The following CPQ variants were observed in gnomAD, a reference collection of about 807,000 sequenced individuals.
CPQ encodes carboxypeptidase Q.
A neutral mutation model predicts 45.7 loss-of-function variants in CPQ; 37 were observed. The ratio of observed to expected loss-of-function variants is 0.81; its 90% CI spans 0.62 to 1.07. The LOEUF is 1.07. CPQ is among the 50% of genes least tolerant of loss of function. The pLI is 0.00. For missense variants in CPQ, 537 were observed against 572.9 expected, an observed-to-expected ratio of 0.94 and a Z score of 0.64; for synonymous variants, 186 against 205.8, an observed-to-expected ratio of 0.90 and a Z score of 0.82.
chr8:96,853,362 C>A (rs1811798930), intron 3 of CPQ, among the ~76,000 whole-genome samples: 1 of 152,180 alleles, frequency 6.6e-6, no homozygotes, highest in Admixed American at 6.5e-5. Context: ...AAAGCTCAAC[C>A]TTTATAGACA....
intron 1 of CPQ, among the ~76,000 whole-genome samples, chr8:96,781,391 G>A (rs1219927783): frequency 6.6e-6 from 1 of 152,062 alleles, no homozygotes; most frequent in Non-Finnish European, 1.5e-5. Context: ...ATAGTGGAAG[G>A]GCAAGAGAGG....
chr8:97,093,341 T>C (rs1037643899), intron 7 of CPQ, among the ~76,000 whole-genome samples: 16 of 152,198 alleles, frequency 1.1e-4, no homozygotes, highest in African/African-American at 3.9e-4. Flanking sequence ...ACATAAATTG[T>C]TCTACCATAA....
chr8:96,645,946 G>A (rs1815515309), intron 1 of CPQ, among the ~76,000 whole-genome samples: 1 of 150,812 alleles, frequency 6.6e-6, no homozygotes. Context: ...AGGACTCAGA[G>A]CTACTCAATA....
chr8:96,720,796 T>C (rs1479801777), intron 1 of CPQ, among the ~76,000 whole-genome samples: 1 of 152,146 alleles, frequency 6.6e-6, no homozygotes, highest in African/African-American at 2.4e-5. Context: ...CATTGTAATA[T>C]CTAAGATTCT....
chr8:97,091,284 C>A lies in CPQ; in HGVS notation c.1255+25074C>A, dbSNP rs72664569. On this transcript the variant is annotated intron_variant, in intron 7 of 7. Transcript: ENST00000220763. Reference sequence around the variant, plus strand: ...TTATATTTCTCAGAAGAGGGGATGTCTGATATTTTGTGGTTTGCCAGTGAC... The same window carrying A: ...TTATATTTCTCAGAAGAGGGGATGTATGATATTTTGTGGTTTGCCAGTGAC... Among the ~76,000 whole-genome samples the A allele has an allele frequency of 8.3e-4, 126 of 152,254 alleles. 1 individual carries two copies. Among genetic ancestry groups the A allele is most frequent in the Non-Finnish European group, 1.6e-3 (111 of 68,024 alleles).
chr8:96,821,955 A>G (rs1464199781), intron 2 of CPQ, among the ~76,000 whole-genome samples: 2 of 152,032 alleles, frequency 1.3e-5, no homozygotes, highest in Non-Finnish European at 2.9e-5. Flanking sequence ...ATTTTCAAGT[A>G]TACAATCTAT....
At chr8:96,802,262 G>C (rs1306953624) in intron 2 of CPQ, among the ~76,000 whole-genome samples, 4 of 152,102 alleles carry the variant, frequency 2.6e-5, no homozygotes, top group African/African-American at 7.2e-5. Flanking sequence ...ATTAATTAGA[G>C]CTTCTATCTT....
intron 2 of CPQ, among the ~76,000 whole-genome samples, chr8:96,791,576 C>T (rs1048923022): frequency 1.3e-5 from 2 of 152,170 alleles, no homozygotes; most frequent in Admixed American, 6.6e-5. Flanking sequence ...CTCACTTTCA[C>T]CCCACTCCTC....
chr8:96,879,151 G>A (rs1296162583), intron 3 of CPQ, among the ~76,000 whole-genome samples: 1 of 152,198 alleles, frequency 6.6e-6, no homozygotes, highest in Non-Finnish European at 1.5e-5. Flanking sequence ...CTGACCAGTT[G>A]GGATGGTATT....
At chr8:96,677,584 G>A (rs900396887) in intron 1 of CPQ, among the ~76,000 whole-genome samples, 2 of 152,012 alleles carry the variant, frequency 1.3e-5, no homozygotes, top group Admixed American at 6.6e-5. Flanking sequence ...TTTGTCAGAT[G>A]CATAGTTTGT....
chr8:97,137,108 T>C (rs1176526680), intron 7 of CPQ, among the ~76,000 whole-genome samples: 2 of 152,198 alleles, frequency 1.3e-5, no homozygotes, highest in African/African-American at 4.8e-5. Flanking sequence ...GTTGTTTTAG[T>C]TTTGTAGAAT....
At chr8:96,966,351 A>C (rs1813562815) in intron 5 of CPQ, among the ~76,000 whole-genome samples, 1 of 152,246 alleles carries the variant, frequency 6.6e-6, no homozygotes, top group South Asian at 2.1e-4. Flanking sequence ...AATGCAAAGA[A>C]AAATCAGCAG....
chr8:96,667,392 G>A (rs1229695182), intron 1 of CPQ, among the ~76,000 whole-genome samples: 7 of 141,264 alleles, frequency 5.0e-5, no homozygotes, highest in South Asian at 4.4e-4. Flanking sequence ...ACTGTCACCT[G>A]GGCTGAAGTG....
intron 7 of CPQ, among the ~76,000 whole-genome samples, chr8:97,068,297 T>C (rs1389875222): frequency 1.3e-5 from 2 of 152,184 alleles, no homozygotes; most frequent in Non-Finnish European, 2.9e-5. Context: ...TTCTACCTAA[T>C]AGAATGGAGT....
At chr8:96,744,677 A>G (rs1586383847) in intron 1 of CPQ, among the ~76,000 whole-genome samples, 1 of 152,078 alleles carries the variant, frequency 6.6e-6, no homozygotes, top group Admixed American at 6.5e-5. Flanking sequence ...TTGACATTAA[A>G]TTTTTGTTTT....
At chr8:96,878,852 C>A (rs1000509116) in intron 3 of CPQ, among the ~76,000 whole-genome samples, 1 of 152,166 alleles carries the variant, frequency 6.6e-6, no homozygotes, top group African/African-American at 2.4e-5. Context: ...AAAAGAAAAT[C>A]TGATTTTCAA....
chr8:97,068,403 G>C (rs1810677270), intron 7 of CPQ, among the ~76,000 whole-genome samples: 1 of 152,048 alleles, frequency 6.6e-6, no homozygotes, highest in Non-Finnish European at 1.5e-5. Context: ...AGGCCGAGGT[G>C]GGTAAATCAC....
At chr8:97,129,212 G>A (rs1235613463) in intron 7 of CPQ, among the ~76,000 whole-genome samples, 1 of 152,086 alleles carries the variant, frequency 6.6e-6, no homozygotes, top group Non-Finnish European at 1.5e-5. Context: ...TGTGGGCAGG[G>A]GCCATCTGAG....
intron 1 of CPQ, among the ~76,000 whole-genome samples, chr8:96,765,892 A>G (rs1810462109): frequency 6.6e-6 from 1 of 152,152 alleles, no homozygotes; most frequent in Non-Finnish European, 1.5e-5. Flanking sequence ...TTTGGTCTAG[A>G]GATGGAGACT....
Sources: gnomAD v4.1 joint callset for allele counts (sites outside exome capture counted in the v4.1 genomes callset) on GRCh38, gnomAD v4.1.1 for gene constraint, MANE v1.5 for transcripts, NCBI Gene and HGNC (gene_info 2026-07-23, HGNC 2026-07-21) for gene names.